The following ZBBX variants were observed in gnomAD, a reference collection of about 807,000 sequenced individuals.
ZBBX encodes zinc finger B-box domain containing, also known as zinc finger B-box domain-containing protein 1.
ZBBX carries 101 observed loss-of-function variants against 108.5 expected under a neutral mutation model. The observed-to-expected ratio is 0.93, with a 90% CI of 0.79 to 1.10. The LOEUF (loss-of-function observed/expected upper bound fraction) is 1.10. Ranked by LOEUF, ZBBX falls within the 50% of genes least tolerant of loss-of-function variation. The probability of loss-of-function intolerance (pLI) is 0.00; values close to 1 mark genes in which losing one functional copy is unlikely to be tolerated. For synonymous variants in ZBBX, 356 were observed against 323.4 expected (o/e 1.10, Z -1.08); for missense variants, 1,009 against 941.4 (o/e 1.07, Z -0.94).
At chr3:167,202,228 T>C in the ZBBX span, among the ~76,000 whole-genome samples, 7,841 of 152,188 alleles carry the variant, frequency 0.052, 559 homozygotes, top group African/African-American at 0.16. Flanking sequence ...TATAATGGCA[T>C]AAAGTTCCAT....
chr3:167,369,196 A>C (rs776699074), intron 4 of ZBBX, among the ~76,000 whole-genome samples: 1 of 152,156 alleles, frequency 6.6e-6, no homozygotes, highest in Non-Finnish European at 1.5e-5. Flanking sequence ...CATTTTACGA[A>C]GTCTGGTTAT....
rs1460611594 is a variant in ZBBX, at chr3:167,284,624, C to CG, written c.1997-2130_1997-2129insC. Among the ~76,000 whole-genome samples, 5 of 152,190 alleles carry CG rather than the reference C, an allele frequency of 3.3e-5. No homozygotes were observed. The East Asian group carries it at 9.6e-4, about 29-fold the overall frequency. On this transcript the variant is annotated intron_variant, in intron 19 of 21. Coordinates refer to ENST00000675490, the MANE Select transcript of ZBBX (RefSeq NM_001199201.2). ...AGAAGAGTACGAACACTAATAAGAACATTTGATTGCCACAGTATTTAAAGG... is the reference window on the plus strand; with the variant it reads ...AGAAGAGTACGAACACTAATAAGAACGATTTGATTGCCACAGTATTTAAAGG...
intron 20 of ZBBX, among the ~76,000 whole-genome samples, chr3:167,270,790 A>T (rs1726385712): frequency 6.6e-6 from 1 of 152,230 alleles, no homozygotes; most frequent in Non-Finnish European, 1.5e-5. Flanking sequence ...CTGAAATATG[A>T]AGTTATTTTG....
At chr3:167,230,015 G>T in the ZBBX span, among the ~76,000 whole-genome samples, 1 of 151,940 alleles carries the variant, frequency 6.6e-6, no homozygotes, top group South Asian at 2.1e-4. Flanking sequence ...ATGTTGGCAA[G>T]TATGAAATCT....
the ZBBX span, among the ~76,000 whole-genome samples, chr3:167,213,839 T>G: frequency 1.4e-4 from 21 of 152,058 alleles, no homozygotes; most frequent in Non-Finnish European, 1.0e-4. Context: ...ACCTCTCAGC[T>G]GAAACCTTAT....
intron 16 of ZBBX, among the ~76,000 whole-genome samples, chr3:167,306,915 G>A (rs1026861666): frequency 1.3e-5 from 2 of 152,082 alleles, no homozygotes; most frequent in Admixed American, 1.3e-4. Flanking sequence ...TGATGTAAAT[G>A]CTTTACAGCT....
intron 13 of ZBBX, 78 bp downstream of exon 13, chr3:167,317,410 A>C (rs1735645490): frequency 1.8e-6 from 2 of 1,129,516 alleles, no homozygotes; most frequent in African/African-American, 3.2e-5. Flanking sequence ...GAAAACCAAA[A>C]GCAGATTCTG....
In ZBBX at chr3:167,293,252, G is replaced by A. The variant is rs1731034115; in HGVS notation, c.1880-4269C>T. Among the ~76,000 whole-genome samples, 3 of 152,058 alleles carry A rather than the reference G, an allele frequency of 2.0e-5. No individual in the cohort carries two copies. In the South Asian group the frequency reaches 6.2e-4, roughly 32 times the overall value. The stretch of plus-strand genomic sequence containing the variant: ...ACCTGGCAGAGACAAAACAAAAAAA[G>A]AAAATTTCAGGCCAATATCCCTGAT... On this transcript the variant is annotated intron_variant, in intron 18 of 21. Coordinates refer to ENST00000675490, the MANE Select transcript of ZBBX (RefSeq NM_001199201.2).
chr3:167,205,590 CAAGCACTTTTGG>C, the ZBBX span, among the ~76,000 whole-genome samples: 1 of 152,086 alleles, frequency 6.6e-6, no homozygotes, highest in Non-Finnish European at 1.5e-5. Flanking sequence ...TACTATATGC[CAAGCACTTTTGG>C]AAGCACTTTA....
At chr3:167,334,962 C>T (rs1457770776) in intron 9 of ZBBX, among the ~76,000 whole-genome samples, 1 of 152,080 alleles carries the variant, frequency 6.6e-6, no homozygotes, top group Non-Finnish European at 1.5e-5. Context: ...GGGAGGCTTT[C>T]TCTCCTCTAC....
chr3:167,203,924 T>G, the ZBBX span, among the ~76,000 whole-genome samples: 1 of 152,280 alleles, frequency 6.6e-6, no homozygotes, highest in African/African-American at 2.4e-5. Context: ...GACTAAGTCT[T>G]ATTCATCTTT....
At chr3:167,377,728 A>G (rs1458605712) in intron 2 of ZBBX, among the ~76,000 whole-genome samples, 1 of 152,104 alleles carries the variant, frequency 6.6e-6, no homozygotes, top group African/African-American at 2.4e-5. Flanking sequence ...CTGATAATAC[A>G]TGATTTCTAG....
In ZBBX at chr3:167,274,335, C is replaced by A. The variant is rs554150961; in HGVS notation, c.2254+7903G>T. Among the ~76,000 whole-genome samples, 45 of 152,256 alleles carry A rather than the reference C, an allele frequency of 3.0e-4. No individual in the cohort carries two copies. In the South Asian group the frequency reaches 3.7e-3, roughly 13 times the overall value. On this transcript the variant is annotated intron_variant, in intron 20 of 21. Coordinates refer to ENST00000675490, the MANE Select transcript of ZBBX (RefSeq NM_001199201.2). ...ATTCTTGTTAGGTGTTGCATCATAC[C>A]ATGCATCCGTGGGCTAGTACAAAAG...
chr3:167,232,961 C>T, the ZBBX span, among the ~76,000 whole-genome samples: 1 of 151,634 alleles, frequency 6.6e-6, no homozygotes, highest in Non-Finnish European at 1.5e-5. Context: ...TCACCTTTCC[C>T]CTTTTATAAA....
intron 6 of ZBBX, among the ~76,000 whole-genome samples, chr3:167,361,946 T>C (rs1177155845): frequency 6.6e-6 from 1 of 152,180 alleles, no homozygotes; most frequent in Admixed American, 6.6e-5. Context: ...TGAATAATAT[T>C]GTTCTGCTCT....
chr3:167,238,218 A>G (rs1720309594), downstream of ZBBX, among the ~76,000 whole-genome samples: 1 of 152,054 alleles, frequency 6.6e-6, no homozygotes, highest in Admixed American at 6.6e-5. Flanking sequence ...GTGTCAGGAC[A>G]AGATGCCAAA....
At chr3:167,382,745 T>C (rs774689010), upstream of ZBBX, among the ~76,000 whole-genome samples, 2 of 152,112 alleles carry the variant, frequency 1.3e-5, no homozygotes, top group Non-Finnish European at 2.9e-5. Flanking sequence ...TAAAAAAAAG[T>C]GTTGCTTTTC....
chr3:167,355,373 C>A (rs910711980), intron 8 of ZBBX, among the ~76,000 whole-genome samples: 4 of 151,810 alleles, frequency 2.6e-5, no homozygotes, highest in Non-Finnish European at 5.9e-5. Flanking sequence ...TCCGTAGTAA[C>A]CTATTTCACA....
chr3:167,191,923 A>ATATATATATG, the ZBBX span, among the ~76,000 whole-genome samples: 1 of 132,244 alleles, frequency 7.6e-6, no homozygotes, highest in Non-Finnish European at 1.6e-5. Context: ...ATATATATAT[A>ATATATATATG]TATATATATA....
Sources: allele counts gnomAD v4.1 joint callset (sites outside exome capture counted in the v4.1 genomes callset), GRCh38; gene constraint gnomAD v4.1.1; transcripts MANE v1.5; gene names NCBI Gene and HGNC (gene_info 2026-07-23, HGNC 2026-07-21).